Variants in MAPK8 observed in about 807,000 individuals in gnomAD.
MAPK8 encodes the protein mitogen-activated protein kinase 8, also known as JUN N-terminal kinase.
MAPK8 carries 13 observed loss-of-function variants against 52.9 expected under a neutral mutation model. The observed-to-expected ratio is 0.25, with a 90% CI of 0.16 to 0.39. MAPK8 has a LOEUF of 0.39. Among genes scored for constraint, MAPK8 ranks in the 10% least tolerant of loss-of-function variants. MAPK8 has a pLI of 1.00. For synonymous variants in MAPK8, 191 were observed against 169.8 expected (o/e 1.12, Z -0.97); for missense variants, 300 against 519.2 (o/e 0.58, Z 4.10).
chr10:48,389,745 C>A (rs1306906626), intron 1 of MAPK8, among the ~76,000 whole-genome samples: 2 of 152,090 alleles, frequency 1.3e-5, no homozygotes, highest in Middle Eastern at 3.2e-3. Flanking sequence ...AAAATTCATG[C>A]TTTCATGGAA....
intron 1 of MAPK8, among the ~76,000 whole-genome samples, chr10:48,357,623 C>G (rs966138475): frequency 6.6e-6 from 1 of 152,090 alleles, no homozygotes; most frequent in Non-Finnish European, 1.5e-5. Flanking sequence ...GTCTCGAACC[C>G]CTGGGCTCAA....
intron 1 of MAPK8, among the ~76,000 whole-genome samples, chr10:48,329,353 C>T (rs913071582): frequency 1.3e-5 from 2 of 152,078 alleles, no homozygotes; most frequent in East Asian, 1.9e-4. Flanking sequence ...TATGGCATTG[C>T]GAGCACCAGT....
At chr10:48,308,902 A>T (rs1841669041) in intron 1 of MAPK8, among the ~76,000 whole-genome samples, 1 of 152,246 alleles carries the variant, frequency 6.6e-6, no homozygotes. Context: ...TACTAAATAC[A>T]GTTTAGCGTT....
At position 48,404,832 on chromosome 10, in the gene MAPK8, T is replaced by G. The variant is rs2042374912; in HGVS notation, c.123-20T>G. 1.3e-6 allele frequency: 2 copies of G among 1,579,750 alleles called. No homozygotes were observed. The highest frequency in any genetic ancestry group is 2.3e-5 in the East Asian group (1 of 44,284). ...TTTTGCTTGAAGTTTTTTTGTGTGT[T>G]TTTGAATTTCTTATTACAGCGCAGC... is the stretch of plus-strand genomic sequence containing the variant. On this transcript the variant is annotated intron_variant, in intron 2 of 11. Coordinates refer to ENST00000374189, the MANE Select transcript of MAPK8 (RefSeq NM_001323329.2).
intron 1 of MAPK8, among the ~76,000 whole-genome samples, chr10:48,321,294 G>A (rs941958591): frequency 6.6e-6 from 1 of 151,686 alleles, no homozygotes; most frequent in African/African-American, 2.4e-5. Context: ...TCACTGTGCC[G>A]CCTAGGTGCT....
At chr10:48,419,550 A>G (rs937828191) in intron 5 of MAPK8, among the ~76,000 whole-genome samples, 2 of 152,192 alleles carry the variant, frequency 1.3e-5, no homozygotes, top group African/African-American at 4.8e-5. Flanking sequence ...CACCAAGGCA[A>G]TGGTGTCCTA....
intron 1 of MAPK8, among the ~76,000 whole-genome samples, chr10:48,381,620 TTTTG>T (rs888137129): frequency 9.8e-5 from 15 of 152,344 alleles, no homozygotes; most frequent in South Asian, 6.2e-4. Context: ...ATGCCTACTT[TTTTG>T]TTTATTAACA....
chr10:48,329,075 T>C (rs759164832), intron 1 of MAPK8, among the ~76,000 whole-genome samples: 1 of 152,184 alleles, frequency 6.6e-6, no homozygotes, highest in East Asian at 1.9e-4. Context: ...CTGGTAGATA[T>C]GGTTATTCTC....
At chr10:48,314,386 T>C (rs73293144) in intron 1 of MAPK8, among the ~76,000 whole-genome samples, 64 of 152,112 alleles carry the variant, frequency 4.2e-4, no homozygotes, top group Admixed American at 2.8e-3. Flanking sequence ...CTTCAACATA[T>C]GAATTTGGAG....
intron 1 of MAPK8, among the ~76,000 whole-genome samples, chr10:48,318,056 G>A (rs1346667860): frequency 6.7e-6 from 1 of 150,298 alleles, no homozygotes; most frequent in East Asian, 2.0e-4. Flanking sequence ...CAGAGAAACA[G>A]CAAATCGGAG....
intron 1 of MAPK8, among the ~76,000 whole-genome samples, chr10:48,309,117 A>T (rs1714961204): frequency 6.6e-6 from 1 of 152,256 alleles, no homozygotes. Flanking sequence ...GCAGTAGCTC[A>T]CAGGCTGTGT....
At position 48,426,742 on chromosome 10, in the gene MAPK8, G is replaced by GA. The variant is rs2043707541; in HGVS notation, c.996+240dup. The stretch of plus-strand genomic sequence containing the variant: ...AATCTTGCCTGGATACCTAACCAGA[G>GA]AACTAGGATGTTGAATGCTCTGGGG... On this transcript the variant is annotated intron_variant, in intron 9 of 11. Coordinates refer to ENST00000374189, the MANE Select transcript of MAPK8 (RefSeq NM_001323329.2). The GA allele has an allele frequency of 5.9e-6, 3 of 508,934 alleles. No homozygotes were observed. The Admixed American group carries it at 1.1e-4, about 19-fold the overall frequency. The allele number at this position is 508,934 out of a possible 1,614,324, so 31.5% of individuals were successfully genotyped here.
At chr10:48,374,111 C>T (rs537337606) in intron 1 of MAPK8, among the ~76,000 whole-genome samples, 1 of 152,140 alleles carries the variant, frequency 6.6e-6, no homozygotes, top group African/African-American at 2.4e-5. Context: ...CGCACAACTA[C>T]ATGGAAACTG....
rs764612003 is a variant in MAPK8, at chr10:48,401,700, G to A, written c.40G>A (p.Glu14Lys). The change falls in exon 2 of 12, where the codon GAG (glutamate) becomes AAG (lysine). Residue 14 changes from glutamate to lysine, a missense_variant. This residue lies in a region of MAPK8 where 34 missense variants were observed against 36.7 expected (regional missense o/e 0.93). Coordinates refer to ENST00000374189, the MANE Select transcript of MAPK8 (RefSeq NM_001323329.2). ...GCGTGACAACAATTTTTATAGTGTA[G>A]AGATTGGAGATTCTACATTCACAGT... is the stretch of plus-strand genomic sequence containing the variant. ...SKRDNNFYSV[E>K]IGDSTFTVLK... The A allele has an allele frequency of 6.2e-7, 1 of 1,605,428 alleles. No individual in the cohort carries two copies. Among genetic ancestry groups the A allele is most frequent in the Admixed American group, 1.7e-5 (1 of 58,098 alleles).
Position 48,435,041 on chromosome 10 carries a change from A to C in MAPK8, c.*12A>C. 7.4e-6 allele frequency: 4 copies of C among 542,682 alleles called. No individual in the cohort carries two copies. The highest frequency in any genetic ancestry group is 7.4e-5 in the East Asian group (1 of 13,426). 33.6% of individuals were successfully genotyped at this position (542,682 alleles called of 1,614,324 possible). On this transcript the variant is annotated 3_prime_UTR_variant, in exon 12 of 12. Coordinates refer to ENST00000374189, the MANE Select transcript of MAPK8 (RefSeq NM_001323329.2). The stretch of plus-strand genomic sequence containing the variant: ...GCTGCTGTAGATGACTACTTGGGCC[A>C]TCGGGGGGTGGGAGGGATGGGGAGT...
At chr10:48,426,102 A>G (rs1174361787) in intron 8 of MAPK8, 32 bp downstream of exon 8, 1 of 1,563,882 alleles carries the variant, frequency 6.4e-7, no homozygotes, top group African/African-American at 1.4e-5. Flanking sequence ...ATTTAATCCC[A>G]TTTGGGGTGT....
At chr10:48,309,092 A>C (rs1334063975) in intron 1 of MAPK8, among the ~76,000 whole-genome samples, 1 of 152,230 alleles carries the variant, frequency 6.6e-6, no homozygotes, top group Non-Finnish European at 1.5e-5. Flanking sequence ...AGTAGGGGTT[A>C]CTGACAATCC....
chr10:48,392,954 A>T (rs1337023057), intron 1 of MAPK8, among the ~76,000 whole-genome samples: 1 of 152,100 alleles, frequency 6.6e-6, no homozygotes, highest in Non-Finnish European at 1.5e-5. Flanking sequence ...CACCTCTGTT[A>T]AAATCAATGC....
At chr10:48,415,145 C>A (rs2042995176) in intron 5 of MAPK8, among the ~76,000 whole-genome samples, 1 of 152,030 alleles carries the variant, frequency 6.6e-6, no homozygotes, top group African/African-American at 2.4e-5. Context: ...CTTTAAATAA[C>A]ATAATAAAAA....
Sources: allele counts gnomAD v4.1 joint callset (sites outside exome capture counted in the v4.1 genomes callset), GRCh38; gene constraint gnomAD v4.1.1; regional missense constraint gnomAD v4.1.1; transcripts MANE v1.5; gene names NCBI Gene and HGNC (gene_info 2026-07-23, HGNC 2026-07-21).